The following TSSC4 variants were observed in gnomAD, a reference collection of about 807,000 sequenced individuals.
The protein encoded by TSSC4 is U5 small nuclear ribonucleoprotein TSSC4.
For missense variants in TSSC4, 500 were observed against 443.9 expected, an observed-to-expected ratio of 1.13 and a Z score of -1.14; for synonymous variants, 259 against 197.9, an observed-to-expected ratio of 1.31 and a Z score of -2.59.
rs753466929 is a variant in TSSC4, at chr11:2,403,631, ATGGCCCAGCCTGACCCCAC to A, written c.*14_*32del. 1.9e-5 allele frequency: 29 copies of A among 1,507,430 alleles called. No individual in the cohort carries two copies. In the South Asian group the frequency reaches 3.8e-4, roughly 20 times the overall value. 93.4% of individuals were successfully genotyped at this position (1,507,430 alleles called of 1,614,324 possible). On this transcript the variant is annotated 3_prime_UTR_variant, in exon 3 of 3. Coordinates refer to ENST00000333256, the MANE Select transcript of TSSC4 (RefSeq NM_005706.4). ...CCAGGTGCTGAGGTCTGAGAGGGAG[ATGGCCCAGCCTGACCCCAC>A]TGGCCACTGCCATCCTGCTGCCTTC...
In TSSC4 at chr11:2,402,784, C is replaced by G; in HGVS notation, c.151C>G (p.Pro51Ala). Residue 51 changes from proline to alanine, a missense_variant, in exon 3 of 3, where the codon CCG becomes GCG. Pro to Ala is a conservative substitution (Grantham distance 27, BLOSUM62 -1). Transcript: ENST00000333256. ...TGGTGCTGAAGTGGAAGCACTGTCC[C>G]CGATGGGGCTGCCTGGGGAGGAGGA... ...PGGAEVEALS[P>A]MGLPGEEDSG... 1 of 1,573,526 alleles carries G rather than the reference C, an allele frequency of 6.4e-7. No individual in the cohort carries two copies. The highest frequency in any genetic ancestry group is 8.6e-7 in the Non-Finnish European group (1 of 1,158,786).
In TSSC4 at chr11:2,403,393, C is replaced by T; in HGVS notation, c.760C>T (p.Pro254Ser). 1 of 1,603,888 alleles carries T rather than the reference C, an allele frequency of 6.2e-7. No individual in the cohort carries two copies. Among genetic ancestry groups the T allele is most frequent in the South Asian group, 1.1e-5 (1 of 90,146 alleles). Residue 254 changes from proline (P) to serine (S), a missense_variant, in exon 3 of 3, where the codon CCT becomes TCT. Pro to Ser is a moderately conservative substitution (Grantham distance 74). Coordinates refer to ENST00000333256, the MANE Select transcript of TSSC4 (RefSeq NM_005706.4). Reference protein sequence around the residue: ...GNPATDRGEGPVELAHLAGPG... With the variant: ...GNPATDRGEGSVELAHLAGPG... The stretch of plus-strand genomic sequence containing the variant: ...TCCTGCCACAGACAGGGGCGAGGGC[C>T]CTGTGGAGCTGGCCCATCTGGCCGG...
Position 2,403,210 on chromosome 11 carries a change from G to A in TSSC4, c.577G>A (p.Ala193Thr). The A allele has an allele frequency of 6.2e-7, 1 of 1,612,756 alleles. No individual in the cohort carries two copies. Among genetic ancestry groups the A allele is most frequent in the Non-Finnish European group, 8.5e-7 (1 of 1,179,924 alleles). ...LAFLGSQSLA[A>T]PTDCVSSFNQ... Reference sequence around the variant, plus strand: ...CTTCCTGGGCTCCCAGAGCCTGGCTGCCCCCACTGACTGCGTGTCCTCCTT... The same window carrying A: ...CTTCCTGGGCTCCCAGAGCCTGGCTACCCCCACTGACTGCGTGTCCTCCTT... The change falls in exon 3 of 3, where the codon GCC becomes ACC. Residue 193 changes from alanine to threonine, a missense_variant. Transcript: ENST00000333256.
chr11:2,403,680 T>C lies in TSSC4; in HGVS notation c.*57T>C, dbSNP rs1006916540. 20 of 1,444,674 alleles carry C rather than the reference T, an allele frequency of 1.4e-5. No homozygotes were observed. Among genetic ancestry groups the C allele is most frequent in the Admixed American group, 1.1e-4 (4 of 36,544 alleles). The allele number at this position is 1,444,674 out of a possible 1,614,324, so 89.5% of individuals were successfully genotyped here. On this transcript the variant is annotated 3_prime_UTR_variant, in exon 3 of 3. Coordinates refer to ENST00000333256, the MANE Select transcript of TSSC4 (RefSeq NM_005706.4). ...CACTGCCATCCTGCTGCCTTCCCAG[T>C]GGGGCTGGTCAGGGGGCAGCCTGGC...
At position 2,403,435 on chromosome 11, in the gene TSSC4, G is replaced by A; in HGVS notation, c.802G>A (p.Ala268Thr). ...AHLAGPGSPE[A>T]EEWGSHHGGL... ...TCTGGCCGGGCCCGGGAGCCCAGAGGCTGAGGAGTGGGGCAGCCACCATGG... is the reference window on the plus strand; with the variant it reads ...TCTGGCCGGGCCCGGGAGCCCAGAGACTGAGGAGTGGGGCAGCCACCATGG... The change falls in exon 3 of 3, where the codon GCT (alanine) becomes ACT (threonine). Residue 268 changes from alanine to threonine, a missense_variant. Physicochemically the swap from Ala to Thr is moderately conservative, Grantham distance 58. Coordinates refer to ENST00000333256, the MANE Select transcript of TSSC4 (RefSeq NM_005706.4). 1 of 1,594,204 alleles carries A rather than the reference G, an allele frequency of 6.3e-7. No homozygotes were observed. Among genetic ancestry groups the A allele is most frequent in the Non-Finnish European group, 8.6e-7 (1 of 1,169,316 alleles).
Position 2,403,678 on chromosome 11 carries a change from A to G in TSSC4, c.*55A>G. 1 of 1,448,660 alleles carries G rather than the reference A, an allele frequency of 6.9e-7. No individual in the cohort carries two copies. The highest frequency in any genetic ancestry group is 9.1e-7 in the Non-Finnish European group (1 of 1,098,844). The allele number at this position is 1,448,660 out of a possible 1,614,324, so 89.7% of individuals were successfully genotyped here. ...GCCACTGCCATCCTGCTGCCTTCCC[A>G]GTGGGGCTGGTCAGGGGGCAGCCTG... On this transcript the variant is annotated 3_prime_UTR_variant, in exon 3 of 3. Transcript: ENST00000333256.
Position 2,402,013 on chromosome 11 carries a change from C to T in TSSC4, c.-180-281C>T, listed in dbSNP as rs539551450. Reference sequence around the variant, plus strand: ...TCTTTGTGGAATACGACTGCTCACCCCGCACAGCAAGCAGCTTATAAGTGG... The same window carrying T: ...TCTTTGTGGAATACGACTGCTCACCTCGCACAGCAAGCAGCTTATAAGTGG... On this transcript the variant is annotated intron_variant, in intron 1 of 2. Coordinates refer to ENST00000333256, the MANE Select transcript of TSSC4 (RefSeq NM_005706.4). The T allele has an allele frequency of 2.0e-5, 3 of 152,400 alleles. No individual in the cohort carries two copies. In the South Asian group the frequency reaches 6.2e-4, roughly 32 times the overall value. 9.4% of individuals were successfully genotyped at this position (152,400 alleles called of 1,614,324 possible).
At position 2,402,934 on chromosome 11, in the gene TSSC4, G is replaced by A; in HGVS notation, c.301G>A (p.Glu101Lys). ...CAGCCGTGACATCTTTGACTGCCTG[G>A]AGGGGGCGGCCAGACGGGCTCCATC... ...QRSRDIFDCLEGAARRAPSSV... is the reference protein window; with the variant it reads ...QRSRDIFDCLKGAARRAPSSV... The change falls in exon 3 of 3, where the codon GAG (glutamate) becomes AAG (lysine). Residue 101 changes from glutamate (E) to lysine (K), a missense_variant. Transcript: ENST00000333256. 2 of 1,611,768 alleles carry A rather than the reference G, an allele frequency of 1.2e-6. No individual in the cohort carries two copies. The highest frequency in any genetic ancestry group is 1.7e-6 in the Non-Finnish European group (2 of 1,179,600).
rs566998403 is a variant in TSSC4, at chr11:2,403,483, C to T, written c.850C>T (p.Leu284=). The T allele has an allele frequency of 1.3e-6, 2 of 1,599,814 alleles. No homozygotes were observed. Among genetic ancestry groups the T allele is most frequent in the Non-Finnish European group, 1.7e-6 (2 of 1,172,584 alleles). Residue 284 remains leucine, a synonymous_variant, in exon 3 of 3, where the codon CTG becomes TTG. Coordinates refer to ENST00000333256, the MANE Select transcript of TSSC4 (RefSeq NM_005706.4). The part of the protein sequence containing the change: ...HHGGLQEVEA[L]SGSVHSGSVP... ...TGGAGGCCTGCAGGAGGTGGAGGCACTGTCAGGGTCTGTCCACAGTGGGTC... is the reference window on the plus strand; with the variant it reads ...TGGAGGCCTGCAGGAGGTGGAGGCATTGTCAGGGTCTGTCCACAGTGGGTC...
Position 2,403,650 on chromosome 11 carries a change from C to G in TSSC4, c.*27C>G. 6.8e-7 allele frequency: 1 copy of G among 1,473,948 alleles called. No individual in the cohort carries two copies. The highest frequency in any genetic ancestry group is 2.5e-5 in the East Asian group (1 of 40,512). The allele number at this position is 1,473,948 out of a possible 1,614,324, so 91.3% of individuals were successfully genotyped here. On this transcript the variant is annotated 3_prime_UTR_variant, in exon 3 of 3. Coordinates refer to ENST00000333256, the MANE Select transcript of TSSC4 (RefSeq NM_005706.4). ...AGGGAGATGGCCCAGCCTGACCCCA[C>G]TGGCCACTGCCATCCTGCTGCCTTC...
At position 2,402,895 on chromosome 11, in the gene TSSC4, ACCTTCTCCCAGCGCAG is replaced by A. The variant is rs1378249711; in HGVS notation, c.265_280del (p.Phe89ValfsTer23). The A allele has an allele frequency of 6.2e-7, 1 of 1,611,912 alleles. No homozygotes were observed. Among genetic ancestry groups the A allele is most frequent in the African/African-American group, 1.3e-5 (1 of 74,864 alleles). ...ATTCCATCTGAGAGGCATGAGCTCC[ACCTTCTCCCAGCGCAG>A]CCGTGACATCTTTGACTGCCTGGAG... On this transcript the variant is annotated frameshift_variant, in exon 3 of 3. Transcript: ENST00000333256. LOFTEE classifies it low-confidence loss of function (END_TRUNC).
In TSSC4 at chr11:2,403,323, G is replaced by C. The variant is rs2234280; in HGVS notation, c.690G>C (p.Arg230Ser). The C allele has an allele frequency of 3.2e-4, 520 of 1,612,480 alleles. 3 individuals carry two copies. The African/African-American group carries it at 6.0e-3, about 19-fold the overall frequency. ...TCGAAGCCAGACACGAGAGGAAGAG[G>C]GTCCTGGGGAAGGTGGGAGAGCCAG... ...RGVEARHERKRVLGKVGEPGR... is the reference protein window; with the variant it reads ...RGVEARHERKSVLGKVGEPGR... Residue 230 changes from arginine (R) to serine (S), a missense_variant, in exon 3 of 3, where the codon AGG (arginine) becomes AGC (serine). By Grantham distance (110) the Arg-to-Ser change is moderately radical. Transcript: ENST00000333256.
At position 2,403,315 on chromosome 11, in the gene TSSC4, A is replaced by C. The variant is rs1223340987; in HGVS notation, c.682A>C (p.Arg228=). The C allele has an allele frequency of 6.8e-6, 11 of 1,612,324 alleles. No homozygotes were observed. The highest frequency in any genetic ancestry group is 5.5e-5 in the South Asian group (5 of 90,936). The change falls in exon 3 of 3, where the codon AGG becomes CGG. Residue 228 remains arginine, a synonymous_variant. Coordinates refer to ENST00000333256, the MANE Select transcript of TSSC4 (RefSeq NM_005706.4). ...PVRGVEARHE[R]KRVLGKVGEP... ...CCGAGGGGTCGAAGCCAGACACGAG[A>C]GGAAGAGGGTCCTGGGGAAGGTGGG...
rs1850253023 is a variant in TSSC4, at chr11:2,403,731, G to A, written c.*108G>A. The A allele has an allele frequency of 8.2e-7, 1 of 1,214,388 alleles. No homozygotes were observed. Among genetic ancestry groups the A allele is most frequent in the Admixed American group, 3.5e-5 (1 of 28,746 alleles). 75.2% of individuals were successfully genotyped at this position (1,214,388 alleles called of 1,614,324 possible). On this transcript the variant is annotated 3_prime_UTR_variant, in exon 3 of 3. Transcript: ENST00000333256. ...CACTGCCTAGCTGGAATGGGAGGAA[G>A]CCTGCAGGTGGCACCGGTGGCCCTG...
chr11:2,403,291 C>G lies in TSSC4; in HGVS notation c.658C>G (p.Arg220Gly), dbSNP rs781538739. Residue 220 changes from arginine to glycine, a missense_variant, in exon 3 of 3, where the codon CGA becomes GGA. Transcript: ENST00000333256. ...GAGGGTCATCTTCACCAAACCAGTC[C>G]GAGGGGTCGAAGCCAGACACGAGAG... ...EGRVIFTKPV[R>G]GVEARHERKR... is the part of the protein sequence containing the mutation. 3 of 1,612,020 alleles carry G rather than the reference C, an allele frequency of 1.9e-6. No homozygotes were observed. The highest frequency in any genetic ancestry group is 1.7e-4 in the Middle Eastern group (1 of 6,050).
chr11:2,402,895 A>G lies in TSSC4; in HGVS notation c.262A>G (p.Thr88Ala). The change falls in exon 3 of 3, where the codon ACC becomes GCC. Residue 88 changes from threonine (T) to alanine (A), a missense_variant. Thr to Ala is a moderately conservative substitution (Grantham distance 58, BLOSUM62 0). Transcript: ENST00000333256. ...QPFHLRGMSS[T>A]FSQRSRDIFD... is the part of the protein sequence containing the mutation. ...ATTCCATCTGAGAGGCATGAGCTCCACCTTCTCCCAGCGCAGCCGTGACAT... is the reference window on the plus strand; with the variant it reads ...ATTCCATCTGAGAGGCATGAGCTCCGCCTTCTCCCAGCGCAGCCGTGACAT... 1 of 1,612,030 alleles carries G rather than the reference A, an allele frequency of 6.2e-7. No homozygotes were observed. Among genetic ancestry groups the G allele is most frequent in the Non-Finnish European group, 8.5e-7 (1 of 1,179,718 alleles).
chr11:2,403,245 T>A lies in TSSC4; in HGVS notation c.612T>A (p.Asp204Glu), dbSNP rs560546330. The A allele has an allele frequency of 3.7e-6, 6 of 1,612,802 alleles. No homozygotes were observed. The African/African-American group carries it at 6.7e-5, about 18-fold the overall frequency. ...ACTGCGTGTCCTCCTTCAACCAGGA[T>A]CCCTCCAGCTGTGGGGAGGGGAGGG... Reference protein sequence around the residue: ...PTDCVSSFNQDPSSCGEGRVI... With the variant: ...PTDCVSSFNQEPSSCGEGRVI... Residue 204 changes from aspartate (D) to glutamate (E), a missense_variant, in exon 3 of 3, where the codon GAT becomes GAA. Transcript: ENST00000333256.
chr11:2,403,204 C>CTGGCT lies in TSSC4; in HGVS notation c.572_576dup (p.Ala193TrpfsTer224). 1 of 1,612,754 alleles carries CTGGCT rather than the reference C, an allele frequency of 6.2e-7. No homozygotes were observed. The highest frequency in any genetic ancestry group is 8.5e-7 in the Non-Finnish European group (1 of 1,179,900). On this transcript the variant is annotated frameshift_variant, in exon 3 of 3. Transcript: ENST00000333256. LOFTEE classifies it low-confidence loss of function (END_TRUNC). ...CCTGGCCTTCCTGGGCTCCCAGAGCCTGGCTGCCCCCACTGACTGCGTGTC... is the reference window on the plus strand; with the variant it reads ...CCTGGCCTTCCTGGGCTCCCAGAGCCTGGCTTGGCTGCCCCCACTGACTGCGTGTC...
chr11:2,402,622 C>T lies in TSSC4; in HGVS notation c.-12C>T, dbSNP rs1850182204. On this transcript the variant is annotated 5_prime_UTR_variant, in exon 3 of 3. Coordinates refer to ENST00000333256, the MANE Select transcript of TSSC4 (RefSeq NM_005706.4). ...CTGTTTTGGTTTAGGTGTGGCGTGG[C>T]CCTGGGGACGCATGGCTGAGGCAGG... The T allele has an allele frequency of 6.3e-7, 1 of 1,582,434 alleles. No individual in the cohort carries two copies. Among genetic ancestry groups the T allele is most frequent in the Non-Finnish European group, 8.6e-7 (1 of 1,160,472 alleles).
Sources: allele counts gnomAD v4.1 joint callset, GRCh38; gene constraint gnomAD v4.1.1; transcripts MANE v1.5; gene names NCBI Gene and HGNC (gene_info 2026-07-23, HGNC 2026-07-21).